The following DOCK7 variants were observed in gnomAD, a reference collection of about 807,000 sequenced individuals.
The protein encoded by DOCK7 is dedicator of cytokinesis 7.
A neutral mutation model predicts 271.0 loss-of-function variants in DOCK7; 138 were observed. That is an observed-to-expected ratio of 0.51 (90% confidence interval 0.44 to 0.59). The LOEUF is 0.59. Ranked by LOEUF, DOCK7 falls within the 20% of genes least tolerant of loss-of-function variation. The probability of loss-of-function intolerance (pLI) is 0.00; values close to 1 mark genes in which losing one functional copy is unlikely to be tolerated. For synonymous variants in DOCK7, 823 were observed against 876.1 expected (o/e 0.94, Z 1.07); for missense variants, 2,066 against 2,592.4 (o/e 0.80, Z 4.41).
chr1:62,670,453 A>G (rs1443814802), intron 1 of DOCK7, among the ~76,000 whole-genome samples: 2 of 152,112 alleles, frequency 1.3e-5, no homozygotes, highest in Non-Finnish European at 2.9e-5. Flanking sequence ...GAGTGCACCA[A>G]TCGACACTCT....
At chr1:62,483,027 A>G (rs757824859) in intron 43 of DOCK7, 1 of 152,112 alleles carries the variant, frequency 6.6e-6, no homozygotes. Context: ...TTTCTTTTTA[A>G]AAGACAGGGT....
intron 22 of DOCK7, 111 bp downstream of exon 22, chr1:62,552,620 TA>T: frequency 9.5e-7 from 1 of 1,050,704 alleles, no homozygotes; most frequent in Non-Finnish European, 1.3e-6. Flanking sequence ...AATTCCTTCC[TA>T]ATTCCTAACT....
intron 44 of DOCK7, among the ~76,000 whole-genome samples, chr1:62,477,418 A>G (rs1434396313): frequency 6.6e-6 from 1 of 152,200 alleles, no homozygotes; most frequent in African/African-American, 2.4e-5. Flanking sequence ...GTGGGATTAT[A>G]CTATATATTT....
chr1:62,487,611 C>CTT (rs1271549528), intron 42 of DOCK7, 199 bp from the exon 43 acceptor site: 1 of 467,252 alleles, frequency 2.1e-6, no homozygotes, highest in African/African-American at 1.9e-5. Context: ...AAAATTTTGC[C>CTT]TTTTAAAAAC....
chr1:62,528,456 C>T, intron 30 of DOCK7, 151 bp from the exon 31 acceptor site: 1 of 714,650 alleles, frequency 1.4e-6, no homozygotes, highest in Non-Finnish European at 2.1e-6. Context: ...ATATCTTTAA[C>T]AGTAACTCAT....
At chr1:62,592,025 C>T (rs1322308642) in intron 14 of DOCK7, among the ~76,000 whole-genome samples, 1 of 152,088 alleles carries the variant, frequency 6.6e-6, no homozygotes, top group African/African-American at 2.4e-5. Context: ...AGTTTAGATT[C>T]CAGGTTAAAT....
chr1:62,526,259 T>A (rs539674145), intron 31 of DOCK7, among the ~76,000 whole-genome samples: 2 of 152,290 alleles, frequency 1.3e-5, no homozygotes, highest in South Asian at 2.1e-4. Context: ...AAGATTTGAA[T>A]AGACTTTTCT....
intron 1 of DOCK7, among the ~76,000 whole-genome samples, chr1:62,683,348 G>T (rs1306414430): frequency 6.6e-6 from 1 of 152,192 alleles, no homozygotes; most frequent in African/African-American, 2.4e-5. Context: ...AGTAGATTCT[G>T]TAGATTGAAA....
chr1:62,568,154 G>C (rs1200905755), intron 18 of DOCK7, among the ~76,000 whole-genome samples: 1 of 151,868 alleles, frequency 6.6e-6, no homozygotes, highest in African/African-American at 2.4e-5. Context: ...ATGACTGTTG[G>C]GTAAATAATG....
chr1:62,517,100 T>A (rs1217469708), intron 31 of DOCK7, among the ~76,000 whole-genome samples: 1 of 152,220 alleles, frequency 6.6e-6, no homozygotes, highest in Non-Finnish European at 1.5e-5. Flanking sequence ...AATGTCTATG[T>A]ATTTGATTCT....
At chr1:62,554,646 A>G (rs1646078822) in intron 21 of DOCK7, among the ~76,000 whole-genome samples, 13 of 152,188 alleles carry the variant, frequency 8.5e-5, no homozygotes, top group Admixed American at 8.5e-4. Flanking sequence ...ATATTAATAC[A>G]TACCTGTTGC....
chr1:62,529,273 G>A lies in DOCK7; in HGVS notation c.3781+4C>T. The A allele has an allele frequency of 6.3e-7, 1 of 1,590,050 alleles. No individual in the cohort carries two copies. Among genetic ancestry groups the A allele is most frequent in the Non-Finnish European group, 8.5e-7 (1 of 1,170,824 alleles). On this transcript the variant is annotated splice_donor_region_variant and intron_variant, in intron 30 of 49. Transcript: ENST00000635253. ...TTAATATTTGCCTTAATTATACTAG[G>A]TACCTGTAAAATCATACAGCTGAGG...
intron 28 of DOCK7, among the ~76,000 whole-genome samples, chr1:62,537,343 A>C (rs1386321984): frequency 1.3e-5 from 2 of 152,208 alleles, no homozygotes; most frequent in East Asian, 3.9e-4. Context: ...AGCACTTTTG[A>C]GAGGCCGAGG....
At chr1:62,537,311 G>A (rs1373475539) in intron 28 of DOCK7, among the ~76,000 whole-genome samples, 1 of 151,806 alleles carries the variant, frequency 6.6e-6, no homozygotes, top group Non-Finnish European at 1.5e-5. Flanking sequence ...GGCCGGGAGC[G>A]GTGGTTCATG....
rs573407735 is a variant in DOCK7, at chr1:62,653,911, C to A, written c.320+73G>T. The A allele has an allele frequency of 2.0e-5, 31 of 1,539,982 alleles. 1 individual carries two copies. In the South Asian group the frequency reaches 2.8e-4, roughly 14 times the overall value. On this transcript the variant is annotated intron_variant, in intron 3 of 49. Coordinates refer to ENST00000635253, the MANE Select transcript of DOCK7 (RefSeq NM_001367561.1). Reference sequence around the variant, plus strand: ...AAATGATGATGCTATAAGAAGTAGGCTCTAAATAAAATAATGGAAGGTAGC... The same window carrying A: ...AAATGATGATGCTATAAGAAGTAGGATCTAAATAAAATAATGGAAGGTAGC...
intron 29 of DOCK7, among the ~76,000 whole-genome samples, chr1:62,531,507 T>C (rs1645173759): frequency 6.6e-6 from 1 of 152,214 alleles, no homozygotes; most frequent in African/African-American, 2.4e-5. Flanking sequence ...AATGCTACAA[T>C]TAAGGAACAT....
chr1:62,456,895 G>A (rs1447002982), intron 49 of DOCK7, among the ~76,000 whole-genome samples: 1 of 152,164 alleles, frequency 6.6e-6, no homozygotes, highest in Non-Finnish European at 1.5e-5. Flanking sequence ...TGGGAATTTT[G>A]AGAGGAAACC....
intron 31 of DOCK7, among the ~76,000 whole-genome samples, chr1:62,521,550 T>G (rs1031590209): frequency 6.6e-6 from 1 of 152,118 alleles, no homozygotes; most frequent in African/African-American, 2.4e-5. Flanking sequence ...TACAAAAATC[T>G]AGCCGTAGAA....
intron 16 of DOCK7, 126 bp downstream of exon 16, chr1:62,583,058 A>G (rs1647185255): frequency 2.9e-6 from 2 of 689,952 alleles, no homozygotes; most frequent in Non-Finnish European, 4.9e-6. Context: ...GAAAATTATA[A>G]CTCTGATGTC....
Sources: allele counts gnomAD v4.1 joint callset (sites outside exome capture counted in the v4.1 genomes callset), GRCh38; gene constraint gnomAD v4.1.1; transcripts MANE v1.5; gene names NCBI Gene and HGNC (gene_info 2026-07-23, HGNC 2026-07-21).